The following AP2B1 variants were observed in gnomAD, a reference collection of about 807,000 sequenced individuals.
AP2B1 encodes the protein adaptor related protein complex 2 subunit beta 1, also known as AP-2 complex subunit beta.
A neutral mutation model predicts 102.0 loss-of-function variants in AP2B1; 23 were observed. That is an observed-to-expected ratio of 0.23 (90% CI 0.16 to 0.32). The LOEUF is 0.32. AP2B1 is among the 10% of genes least tolerant of loss of function. AP2B1 has a pLI of 1.00. For missense variants in AP2B1, 541 were observed against 1,157.4 expected, an observed-to-expected ratio of 0.47 and a Z score of 7.73; for synonymous variants, 381 against 421.2, an observed-to-expected ratio of 0.90 and a Z score of 1.17.
intron 13 of AP2B1, among the ~76,000 whole-genome samples, chr17:35,653,275 G>A (rs964383053): frequency 6.6e-6 from 1 of 152,136 alleles, no homozygotes; most frequent in Non-Finnish European, 1.5e-5. Context: ...TTGTCTCACA[G>A]AGGTTGTCGC....
At chr17:35,676,797 ATC>A (rs1567963961) in intron 17 of AP2B1, among the ~76,000 whole-genome samples, 2 of 152,146 alleles carry the variant, frequency 1.3e-5, no homozygotes, top group African/African-American at 4.8e-5. Context: ...GGTCATATAT[ATC>A]TTTCACTTAA....
chr17:35,691,547 C>A (rs935974986), intron 18 of AP2B1, among the ~76,000 whole-genome samples: 1 of 152,180 alleles, frequency 6.6e-6, no homozygotes, highest in African/African-American at 2.4e-5. Flanking sequence ...TTTGGTCTTC[C>A]AAGATCCACA....
intron 5 of AP2B1, among the ~76,000 whole-genome samples, chr17:35,610,924 A>T (rs367654582): frequency 1.2e-4 from 18 of 148,064 alleles, no homozygotes; most frequent in South Asian, 2.2e-4. Flanking sequence ...AAAAAAAAAA[A>T]TTTTGTTGGA....
chr17:35,695,411 C>T (rs1241485968), intron 18 of AP2B1, among the ~76,000 whole-genome samples: 1 of 152,042 alleles, frequency 6.6e-6, no homozygotes, highest in Non-Finnish European at 1.5e-5. Flanking sequence ...ATCCTGGGTT[C>T]CCTGTGAGGC....
At chr17:35,710,946 C>T (rs1339017395) in intron 20 of AP2B1, among the ~76,000 whole-genome samples, 1 of 152,128 alleles carries the variant, frequency 6.6e-6, no homozygotes, top group Non-Finnish European at 1.5e-5. Context: ...TACTACACTG[C>T]CCTGTGCCAC....
chr17:35,682,831 G>A lies in AP2B1; in HGVS notation c.2454+7G>A. 6 of 1,607,788 alleles carry A rather than the reference G, an allele frequency of 3.7e-6. No individual in the cohort carries two copies. The highest frequency in any genetic ancestry group is 1.3e-5 in the African/African-American group (1 of 74,852). The stretch of plus-strand genomic sequence containing the variant: ...ACCTCTGAATAACCTCCAGGTCAGA[G>A]ATTTACTTCACTCAGGTGGTACAAG... On this transcript the variant is annotated splice_region_variant and intron_variant, in intron 18 of 21. Transcript: ENST00000610402.
At position 35,671,873 on chromosome 17, in the gene AP2B1, A is replaced by G. The variant is rs1304791434; in HGVS notation, c.2151A>G (p.Ala717=). The G allele has an allele frequency of 1.9e-6, 3 of 1,613,952 alleles. No individual in the cohort carries two copies. Among genetic ancestry groups the G allele is most frequent in the Admixed American group, 3.3e-5 (2 of 59,992 alleles). The change falls in exon 16 of 22, where the codon GCA becomes GCG. Residue 717 remains alanine, a synonymous_variant. Transcript: ENST00000610402. ...AACTCTCCACAGGGATAGGCATGGC[A>G]CCTGGTGGATATGTGGCTCCTAAGG... The part of the protein sequence containing the change: ...LFELSTGIGM[A]PGGYVAPKAV...
chr17:35,691,936 C>CT (rs1472607618), intron 18 of AP2B1, among the ~76,000 whole-genome samples: 2 of 152,028 alleles, frequency 1.3e-5, no homozygotes, highest in East Asian at 3.9e-4. Flanking sequence ...TTAGATATTC[C>CT]TTTTTTGCTA....
chr17:35,598,202 C>G, intron 2 of AP2B1, 28 bp from the exon 3 acceptor site: 3 of 1,484,922 alleles, frequency 2.0e-6, no homozygotes, highest in Non-Finnish European at 2.8e-6. Context: ...GTACTGGAAC[C>G]TTACCAGTTT....
rs138673141 is a variant in AP2B1 at position 35,641,871 on chromosome 17, G to T, written c.1438-6G>T. ...TTTCACACTATCACAAATTATGTCT[G>T]TTTAGGTGCAGCTCACTCTGCTTAC... is the stretch of plus-strand genomic sequence containing the variant. On this transcript the variant is annotated splice_polypyrimidine_tract_variant and splice_region_variant and intron_variant, in intron 11 of 21. Transcript: ENST00000610402. 1.2e-6 allele frequency: 2 copies of T among 1,600,438 alleles called. No individual in the cohort carries two copies. Among genetic ancestry groups the T allele is most frequent in the South Asian group, 2.2e-5 (2 of 89,824 alleles).
intron 10 of AP2B1, among the ~76,000 whole-genome samples, chr17:35,638,415 T>C (rs985828702): frequency 6.6e-5 from 10 of 152,208 alleles, no homozygotes; most frequent in African/African-American, 2.4e-4. Context: ...TGTAGATATG[T>C]AAAAATAAAT....
At chr17:35,620,111 A>G (rs1193243865) in intron 5 of AP2B1, among the ~76,000 whole-genome samples, 1 of 152,152 alleles carries the variant, frequency 6.6e-6, no homozygotes, top group East Asian at 1.9e-4. Flanking sequence ...TAATGCTGCA[A>G]ATGTGTCCCT....
intron 18 of AP2B1, among the ~76,000 whole-genome samples, chr17:35,703,492 T>G (rs1472520854): frequency 6.6e-6 from 1 of 152,156 alleles, no homozygotes; most frequent in African/African-American, 2.4e-5. Context: ...TGGAATACTA[T>G]GCACCCATAA....
At chr17:35,595,280 A>T (rs1253531152) in intron 2 of AP2B1, among the ~76,000 whole-genome samples, 2 of 152,176 alleles carry the variant, frequency 1.3e-5, no homozygotes, top group African/African-American at 2.4e-5. Context: ...ATGGTGGCTT[A>T]TGCCTGTAAT....
chr17:35,667,538 C>T (rs2075493249), intron 14 of AP2B1, among the ~76,000 whole-genome samples: 1 of 152,174 alleles, frequency 6.6e-6, no homozygotes, highest in South Asian at 2.1e-4. Flanking sequence ...CACTGGGGGA[C>T]AGTACTTTCA....
intron 7 of AP2B1, 128 bp downstream of exon 7, chr17:35,626,970 A>G: frequency 1.1e-6 from 1 of 924,644 alleles, no homozygotes; most frequent in Non-Finnish European, 1.6e-6. Context: ...TATGGCAGAA[A>G]AACTTGCTTG....
chr17:35,659,112 C>T (rs1268186134), intron 14 of AP2B1, among the ~76,000 whole-genome samples: 1 of 152,116 alleles, frequency 6.6e-6, no homozygotes, highest in African/African-American at 2.4e-5. Flanking sequence ...TGCTGTATAG[C>T]CTCCTTATAG....
At chr17:35,674,426 A>G (rs1367498782) in intron 17 of AP2B1, 105 bp downstream of exon 17, 2 of 1,362,828 alleles carry the variant, frequency 1.5e-6, no homozygotes, top group Non-Finnish European at 2.0e-6. Flanking sequence ...ATATTGGGCC[A>G]GGTACAGTGG....
intron 14 of AP2B1, among the ~76,000 whole-genome samples, chr17:35,670,365 T>TC (rs1339288743): frequency 1.3e-5 from 2 of 152,252 alleles, no homozygotes; most frequent in East Asian, 1.9e-4. Context: ...TCTTACTTTT[T>TC]CAGTGGGGCA....
Sources: gnomAD v4.1 joint callset for allele counts (sites outside exome capture counted in the v4.1 genomes callset) on GRCh38, gnomAD v4.1.1 for gene constraint, MANE v1.5 for transcripts, NCBI Gene and HGNC (gene_info 2026-07-23, HGNC 2026-07-21) for gene names.